MPPED2: variants seen among roughly 807,000 people sequenced by gnomAD.
MPPED2 encodes the protein metallophosphoesterase domain containing 2.
In MPPED2, 5 loss-of-function variants were observed where a neutral mutation model predicts 33.0. That is an observed-to-expected ratio of 0.15 (90% CI 0.08 to 0.32). MPPED2 has a LOEUF of 0.32. Among genes scored for constraint, MPPED2 ranks in the 10% least tolerant of loss-of-function variants. MPPED2 has a pLI of 1.00. For missense variants in MPPED2, 275 were observed against 372.1 expected (o/e 0.74, Z 2.15); for synonymous variants, 136 against 141.9 (o/e 0.96, Z 0.29).
chr11:30,412,769 C>A (rs1948167615), intron 6 of MPPED2, among the ~76,000 whole-genome samples: 1 of 152,162 alleles, frequency 6.6e-6, no homozygotes, highest in Non-Finnish European at 1.5e-5. Context: ...GATCTCCTCC[C>A]TTTTAGGCAA....
At chr11:30,434,549 A>G (rs1042990145) in intron 4 of MPPED2, among the ~76,000 whole-genome samples, 1 of 152,196 alleles carries the variant, frequency 6.6e-6, no homozygotes, top group African/African-American at 2.4e-5. Flanking sequence ...TCTAATTTAA[A>G]TCACAATTTT....
intron 4 of MPPED2, among the ~76,000 whole-genome samples, chr11:30,424,197 G>T (rs933935659): frequency 6.6e-6 from 1 of 152,112 alleles, no homozygotes; most frequent in Admixed American, 6.5e-5. Flanking sequence ...TCAGACAAGC[G>T]GTTACTTTGG....
chr11:30,481,499 C>G (rs558066765), intron 4 of MPPED2, among the ~76,000 whole-genome samples: 1 of 152,140 alleles, frequency 6.6e-6, no homozygotes, highest in Admixed American at 6.6e-5. Context: ...GCATCCAAGT[C>G]GACCTGTTTT....
At chr11:30,493,978 C>T (rs1396280555) in intron 4 of MPPED2, among the ~76,000 whole-genome samples, 2 of 152,158 alleles carry the variant, frequency 1.3e-5, no homozygotes, top group Non-Finnish European at 2.9e-5. Flanking sequence ...GATACATGTA[C>T]CTGTTTCAAG....
intron 4 of MPPED2, among the ~76,000 whole-genome samples, chr11:30,470,596 G>A (rs889978202): frequency 3.3e-5 from 5 of 152,098 alleles, no homozygotes; most frequent in Non-Finnish European, 7.4e-5. Context: ...TGATTTGTAC[G>A]ATACATGAAT....
intron 3 of MPPED2, among the ~76,000 whole-genome samples, chr11:30,511,629 G>GCA (rs146112292): frequency 5.9e-5 from 9 of 151,556 alleles, no homozygotes; most frequent in Non-Finnish European, 7.4e-5. Flanking sequence ...ATGTGCACGT[G>GCA]CACACACACA....
intron 6 of MPPED2, 122 bp from the exon 7 acceptor site, chr11:30,411,708 A>C: frequency 5.1e-6 from 3 of 588,576 alleles, no homozygotes; most frequent in Non-Finnish European, 5.6e-6. Flanking sequence ...AATTCAGTTG[A>C]GCCTCCTCAG....
intron 4 of MPPED2, among the ~76,000 whole-genome samples, chr11:30,434,816 A>C (rs1225727489): frequency 6.6e-6 from 1 of 152,122 alleles, no homozygotes; most frequent in Non-Finnish European, 1.5e-5. Flanking sequence ...TCAATGCATT[A>C]GCTTCACAAG....
At chr11:30,485,120 T>C (rs779154958) in intron 4 of MPPED2, among the ~76,000 whole-genome samples, 3 of 152,170 alleles carry the variant, frequency 2.0e-5, no homozygotes, top group Non-Finnish European at 4.4e-5. Context: ...ATGAAAAATA[T>C]ACAGAAGTAG....
chr11:30,564,890 T>C (rs533001717), intron 2 of MPPED2, among the ~76,000 whole-genome samples: 67 of 152,276 alleles, frequency 4.4e-4, no homozygotes, highest in African/African-American at 1.6e-3. Context: ...GCAAACAAGA[T>C]ACATAAATCT....
At chr11:30,569,941 C>T (rs1956618708) in intron 2 of MPPED2, among the ~76,000 whole-genome samples, 1 of 152,130 alleles carries the variant, frequency 6.6e-6, no homozygotes, top group South Asian at 2.1e-4. Context: ...TCGTAACTGA[C>T]AAGGAAGAGT....
intron 2 of MPPED2, among the ~76,000 whole-genome samples, chr11:30,575,511 T>C (rs7103437): frequency 8.3e-4 from 127 of 152,352 alleles, no homozygotes; most frequent in African/African-American, 3.0e-3. Flanking sequence ...AGTATTTGTA[T>C]ACAGATCGCT....
chr11:30,493,410 T>C (rs1952084911), intron 4 of MPPED2, among the ~76,000 whole-genome samples: 1 of 151,852 alleles, frequency 6.6e-6, no homozygotes. Context: ...ACCTTTTAAC[T>C]TACAGAGGAC....
intron 1 of MPPED2, among the ~76,000 whole-genome samples, chr11:30,582,738 G>A (rs970071832): frequency 2.0e-5 from 3 of 152,192 alleles, no homozygotes; most frequent in African/African-American, 7.2e-5. Context: ...TGGTCCGCTT[G>A]ATCCTAATGT....
chr11:30,451,879 A>C, intron 4 of MPPED2: 1 of 984,872 alleles, frequency 1.0e-6, no homozygotes, highest in Non-Finnish European at 1.2e-6. Flanking sequence ...CCTATGCCCT[A>C]GTTCCAGCTC....
chr11:30,499,435 A>G (rs1952452199), intron 3 of MPPED2, among the ~76,000 whole-genome samples: 1 of 152,182 alleles, frequency 6.6e-6, no homozygotes, highest in African/African-American at 2.4e-5. Flanking sequence ...TCAGTGCTCA[A>G]AATGTTTCAG....
Position 30,536,142 on chromosome 11 carries a change from T to C in MPPED2, c.162A>G (p.Pro54=), listed in dbSNP as rs577436273. 3.1e-6 allele frequency: 5 copies of C among 1,611,596 alleles called. No individual in the cohort carries two copies. The Admixed American group carries it at 8.4e-5, about 27-fold the overall frequency. The change falls in exon 3 of 7, where the codon CCA becomes CCG. Residue 54 remains proline (P), a synonymous_variant. Coordinates refer to ENST00000358117, the MANE Select transcript of MPPED2 (RefSeq NM_001584.3). ...VDPIPYDTPK[P]AGHTRFVCIS... is the part of the protein sequence containing the mutation. ...TGCAGACAAACCGCGTGTGGCCCGC[T>C]GGTTTTGGAGTGTCATATGGGATGG...
chr11:30,575,828 C>A (rs1956906458), intron 2 of MPPED2, among the ~76,000 whole-genome samples: 1 of 152,156 alleles, frequency 6.6e-6, no homozygotes, highest in South Asian at 2.1e-4. Flanking sequence ...CACTCCTAGG[C>A]TGTTTATAAT....
intron 4 of MPPED2, among the ~76,000 whole-genome samples, chr11:30,493,628 T>C (rs1485581024): frequency 2.0e-5 from 3 of 151,744 alleles, no homozygotes; most frequent in African/African-American, 2.4e-5. Flanking sequence ...CCTGCTGATA[T>C]TGACAATCAT....
Sources: gnomAD v4.1 joint callset for allele counts (sites outside exome capture counted in the v4.1 genomes callset) on GRCh38, gnomAD v4.1.1 for gene constraint, MANE v1.5 for transcripts, NCBI Gene and HGNC (gene_info 2026-07-23, HGNC 2026-07-21) for gene names.